KALRN: variants seen among roughly 807,000 people sequenced by gnomAD.
The protein encoded by KALRN is kalirin.
A neutral mutation model predicts 353.7 loss-of-function variants in KALRN; 70 were observed. The observed-to-expected ratio is 0.20, with a 90% CI of 0.16 to 0.24. KALRN has a LOEUF of 0.24. Among genes scored for constraint, KALRN ranks in the 10% least tolerant of loss-of-function variants. The pLI is 1.00. For synonymous variants in KALRN, 1,391 were observed against 1,434.8 expected, an observed-to-expected ratio of 0.97 and a Z score of 0.69; for missense variants, 2,791 against 3,756.7, an observed-to-expected ratio of 0.74 and a Z score of 6.72.
chr3:124,710,739 A>G (rs1376162755), intron 57 of KALRN, among the ~76,000 whole-genome samples: 1 of 152,252 alleles, frequency 6.6e-6, no homozygotes, highest in Non-Finnish European at 1.5e-5. Context: ...CAGTGAGCCA[A>G]GATCATGCTA....
At chr3:124,547,754 C>T (rs568979146) in intron 33 of KALRN, among the ~76,000 whole-genome samples, 1 of 151,756 alleles carries the variant, frequency 6.6e-6, no homozygotes, top group South Asian at 2.1e-4. Context: ...CCCTCCCCAC[C>T]CCCCAGCTAC....
chr3:124,631,106 C>T (rs563147934), intron 34 of KALRN, among the ~76,000 whole-genome samples: 8 of 152,340 alleles, frequency 5.3e-5, no homozygotes, highest in South Asian at 2.1e-4. Flanking sequence ...ACATTTTCCA[C>T]GTGCAGCCTC....
intron 9 of KALRN, among the ~76,000 whole-genome samples, chr3:124,338,052 GATCT>G (rs1449297987): frequency 2.0e-5 from 3 of 152,114 alleles, no homozygotes; most frequent in East Asian, 1.9e-4. Context: ...TCTGGCTAGT[GATCT>G]ATCTATTTTG....
intron 1 of KALRN, among the ~76,000 whole-genome samples, chr3:124,207,812 G>A (rs1410082676): frequency 6.6e-6 from 1 of 152,172 alleles, no homozygotes; most frequent in Admixed American, 6.5e-5. Context: ...CTTAATAAAT[G>A]GTAGCAAGCA....
chr3:124,470,239 A>C (rs1481638301), intron 25 of KALRN, among the ~76,000 whole-genome samples: 4 of 152,192 alleles, frequency 2.6e-5, no homozygotes, highest in African/African-American at 4.8e-5. Context: ...ACATGTAATT[A>C]TTGGAGTAGT....
chr3:124,240,882 C>T (rs958665993), intron 3 of KALRN, among the ~76,000 whole-genome samples: 1 of 152,236 alleles, frequency 6.6e-6, no homozygotes, highest in Non-Finnish European at 1.5e-5. Context: ...CTAGCAGGCT[C>T]TCTCTAGCAC....
chr3:124,352,540 TTAATG>T, intron 10 of KALRN, among the ~76,000 whole-genome samples: 1 of 152,324 alleles, frequency 6.6e-6, no homozygotes, highest in East Asian at 1.9e-4. Flanking sequence ...TTAAGTAGCA[TTAATG>T]TAACATTTTT....
Position 124,490,609 on chromosome 3 carries a change from G to C in KALRN, c.4397-85G>C, listed in dbSNP as rs535995522. 2.1e-5 allele frequency: 26 copies of C among 1,247,972 alleles called. No individual in the cohort carries two copies. In the African/African-American group the frequency reaches 3.5e-4, roughly 17 times the overall value. 77.3% of individuals were successfully genotyped at this position (1,247,972 alleles called of 1,614,324 possible). A position where few individuals can be genotyped will look rare whatever the true frequency, so the allele number is the denominator to read the frequency against. ...TAACTGAAGACTAACAATAAGAGAG[G>C]CCTTTCTCCAAGAGGGGGGTGGAAC... is the stretch of plus-strand genomic sequence containing the variant. On this transcript the variant is annotated intron_variant, in intron 29 of 59. Coordinates refer to ENST00000682506, the MANE Select transcript of KALRN (RefSeq NM_001388419.1).
chr3:124,264,400 TG>T, intron 3 of KALRN, 97 bp from the exon 4 acceptor site: 2 of 947,136 alleles, frequency 2.1e-6, no homozygotes, highest in Non-Finnish European at 3.2e-6. Context: ...AGAGTGATTC[TG>T]GTCAAGGGGA....
chr3:124,066,632 G>C (rs2042385050), intron 1 of KALRN, among the ~76,000 whole-genome samples: 2 of 152,108 alleles, frequency 1.3e-5, no homozygotes, highest in Admixed American at 1.3e-4. Context: ...ACAATGTCGG[G>C]AATAGGGAAC....
chr3:124,683,312 T>C (rs987662359), intron 51 of KALRN, among the ~76,000 whole-genome samples: 6 of 152,202 alleles, frequency 3.9e-5, no homozygotes, highest in African/African-American at 1.4e-4. Context: ...CACCCCAGGC[T>C]CACGTGTTCA....
intron 10 of KALRN, among the ~76,000 whole-genome samples, chr3:124,366,769 C>T (rs1358596865): frequency 6.6e-6 from 1 of 152,012 alleles, no homozygotes; most frequent in African/African-American, 2.4e-5. Context: ...CTTCACTTCC[C>T]AGTAAGGGCC....
chr3:124,094,675 G>A (rs1559937003), intron 1 of KALRN: 4 of 669,296 alleles, frequency 6.0e-6, no homozygotes, highest in Non-Finnish European at 2.8e-6. Flanking sequence ...GGCACAGTCA[G>A]CCTCTGTGTG....
chr3:124,507,890 A>G (rs935109668), intron 33 of KALRN, among the ~76,000 whole-genome samples: 6 of 152,184 alleles, frequency 3.9e-5, no homozygotes, highest in Non-Finnish European at 7.3e-5. Flanking sequence ...ACCAAAGAAG[A>G]CTTTTACATC....
intron 9 of KALRN, among the ~76,000 whole-genome samples, chr3:124,336,027 G>C (rs1285749326): frequency 6.6e-6 from 1 of 152,098 alleles, no homozygotes; most frequent in Non-Finnish European, 1.5e-5. Flanking sequence ...AGGGAGAGTT[G>C]AGCATTCTTA....
Position 124,460,690 on chromosome 3 carries a change from G to T in KALRN, c.3855-1200G>T, listed in dbSNP as rs528870315. 1.6e-4 allele frequency among the ~76,000 whole-genome samples: 24 copies of T among 152,264 alleles called. No individual in the cohort carries two copies. In the East Asian group the frequency reaches 4.2e-3, roughly 27 times the overall value. On this transcript the variant is annotated intron_variant, in intron 23 of 59. Coordinates refer to ENST00000682506, the MANE Select transcript of KALRN (RefSeq NM_001388419.1). ...AGTAAGGAGTCTGAGACCTGGAGAGGCAAGTCCTACCTCTGGTTGTAATTC... is the reference window on the plus strand; with the variant it reads ...AGTAAGGAGTCTGAGACCTGGAGAGTCAAGTCCTACCTCTGGTTGTAATTC...
intron 16 of KALRN, among the ~76,000 whole-genome samples, chr3:124,432,774 C>T (rs780578873): frequency 6.6e-6 from 1 of 152,200 alleles, no homozygotes; most frequent in Non-Finnish European, 1.5e-5. Flanking sequence ...AATAGAGGCT[C>T]ACTAAGCATA....
intron 45 of KALRN, 95 bp downstream of exon 45, chr3:124,662,023 C>A: frequency 1.0e-6 from 1 of 961,408 alleles, no homozygotes; most frequent in Non-Finnish European, 1.7e-6. Context: ...TGTGTCCTGC[C>A]TGTGCCTCCT....
intron 37 of KALRN, among the ~76,000 whole-genome samples, chr3:124,644,359 G>T (rs1444707704): frequency 6.6e-6 from 1 of 151,924 alleles, no homozygotes; most frequent in Admixed American, 6.6e-5. Context: ...TAAGTTCCAG[G>T]ATACATGTGC....
Sources: allele counts gnomAD v4.1 joint callset (sites outside exome capture counted in the v4.1 genomes callset), GRCh38; gene constraint gnomAD v4.1.1; transcripts MANE v1.5; gene names NCBI Gene and HGNC (gene_info 2026-07-23, HGNC 2026-07-21).